The following XIRP2 variants were observed in gnomAD, a reference collection of about 807,000 sequenced individuals.
XIRP2 encodes xin actin binding repeat containing 2.
In XIRP2, 236 loss-of-function variants were observed where a neutral mutation model predicts 277.0. The ratio of observed to expected loss-of-function variants is 0.85; its 90% CI spans 0.77 to 0.95. The LOEUF (loss-of-function observed/expected upper bound fraction) is 0.95. Among genes scored for constraint, XIRP2 ranks in the 40% least tolerant of loss-of-function variants. The pLI, the probability that XIRP2 is intolerant of heterozygous loss-of-function variation, is 0.00. For missense variants in XIRP2, 4,640 were observed against 4,157.5 expected, an observed-to-expected ratio of 1.12 and a Z score of -3.19; for synonymous variants, 1,490 against 1,416.5, an observed-to-expected ratio of 1.05 and a Z score of -1.17.
In XIRP2 at chr2:167,247,383, C is replaced by T. The variant is rs1695309828; in HGVS notation, c.5991C>T (p.Leu1997=). The part of the protein sequence containing the change: ...AAKWQGGADT[L]SQTMGKSCHG... ...AGTGGCAAGGGGGAGCAGATACTCT[C>T]AGTCAAACTATGGGGAAATCTTGCC... The change falls in exon 9 of 11, where the codon CTC becomes CTT. Residue 1997 remains leucine (L), a synonymous_variant. Transcript: ENST00000409195. 1 of 1,613,670 alleles carries T rather than the reference C, an allele frequency of 6.2e-7. No individual in the cohort carries two copies. Among genetic ancestry groups the T allele is most frequent in the Non-Finnish European group, 8.5e-7 (1 of 1,179,810 alleles).
chr2:167,249,203 A>ATTTTATAAG lies in XIRP2; in HGVS notation c.7811_7812insTTTTATAAG (p.Glu2604delinsAspPheIleArg). The ATTTTATAAG allele has an allele frequency of 6.2e-7, 1 of 1,613,778 alleles. No individual in the cohort carries two copies. Among genetic ancestry groups the ATTTTATAAG allele is most frequent in the Non-Finnish European group, 8.5e-7 (1 of 1,179,820 alleles). ...GTTTCCCTATCTGGAATTGATTCAGAATGCACTGTGGTTCAACCCAGCCCA... is the reference window on the plus strand; with the variant it reads ...GTTTCCCTATCTGGAATTGATTCAGATTTTATAAGATGCACTGTGGTTCAACCCAGCCCA... On this transcript the variant is annotated protein_altering_variant, in exon 9 of 11. Coordinates refer to ENST00000409195, the MANE Select transcript of XIRP2 (RefSeq NM_152381.6).
chr2:167,007,474 T>A (rs1687534137), intron 2 of XIRP2, among the ~76,000 whole-genome samples: 1 of 151,664 alleles, frequency 6.6e-6, no homozygotes, highest in African/African-American at 2.4e-5. Flanking sequence ...AATCTATAAT[T>A]TTTCAAATTA....
At chr2:167,130,926 C>G (rs1691355206) in intron 2 of XIRP2, among the ~76,000 whole-genome samples, 1 of 152,054 alleles carries the variant, frequency 6.6e-6, no homozygotes, top group Non-Finnish European at 1.5e-5. Context: ...CTATTGGTAG[C>G]CCTGCAGAGT....
chr2:166,913,496 T>C (rs1684776647), intron 2 of XIRP2, among the ~76,000 whole-genome samples: 1 of 152,132 alleles, frequency 6.6e-6, no homozygotes, highest in Non-Finnish European at 1.5e-5. Context: ...CTGGGAGCTG[T>C]AGACTGGAGC....
chr2:166,975,794 C>T (rs150311967), intron 2 of XIRP2, among the ~76,000 whole-genome samples: 5,063 of 151,602 alleles, frequency 0.033, 102 homozygotes, highest in East Asian at 0.076. Flanking sequence ...GGCGTGGTGG[C>T]GGGCACCTGT....
chr2:167,214,902 A>C (rs914089422), intron 4 of XIRP2, among the ~76,000 whole-genome samples: 1 of 152,142 alleles, frequency 6.6e-6, no homozygotes, highest in Non-Finnish European at 1.5e-5. Flanking sequence ...TATAGATGAG[A>C]GGCAACCTGT....
At position 167,243,226 on chromosome 2, in the gene XIRP2, G is replaced by T. The variant is rs374904018; in HGVS notation, c.1834G>T (p.Gly612Cys). 6.2e-7 allele frequency: 1 copy of T among 1,614,000 alleles called. No individual in the cohort carries two copies. Among genetic ancestry groups the T allele is most frequent in the African/African-American group, 1.3e-5 (1 of 74,918 alleles). ...GIADQEIIAG[G>C]DVKYTTWMFE... ...TGCTGATCAAGAAATCATTGCTGGT[G>T]GTGATGTGAAATATACCACATGGAT... Residue 612 changes from glycine (G) to cysteine (C), a missense_variant, in exon 9 of 11, where the codon GGT (glycine) becomes TGT (cysteine). Transcript: ENST00000409195.
intron 2 of XIRP2, among the ~76,000 whole-genome samples, chr2:166,956,491 G>T (rs73973533): frequency 0.05 from 7,627 of 151,824 alleles, 258 homozygotes; most frequent in African/African-American, 0.085. Flanking sequence ...TGAGTATTTT[G>T]TGGTCATTGT....
At chr2:167,239,748 A>G (rs550334115) in intron 5 of XIRP2, 107 bp from the exon 6 acceptor site, 14 of 935,480 alleles carry the variant, frequency 1.5e-5, no homozygotes, top group South Asian at 1.3e-4. Flanking sequence ...CTAATATACT[A>G]AAGAATCTCA....
chr2:166,892,922 GTA>G (rs201038095), intron 1 of XIRP2, among the ~76,000 whole-genome samples: 2,120 of 146,574 alleles, frequency 0.014, 60 homozygotes, highest in African/African-American at 0.051. Context: ...GTGTATATAT[GTA>G]TATATGTGTA....
chr2:167,129,912 C>G (rs949406389), intron 2 of XIRP2, among the ~76,000 whole-genome samples: 2 of 151,512 alleles, frequency 1.3e-5, no homozygotes, highest in Admixed American at 6.6e-5. Context: ...TTATCTTGCT[C>G]TCTTTCAAGT....
At chr2:167,079,474 G>T (rs1689671397) in intron 2 of XIRP2, among the ~76,000 whole-genome samples, 1 of 152,030 alleles carries the variant, frequency 6.6e-6, no homozygotes, top group South Asian at 2.1e-4. Flanking sequence ...GCCTTTTATT[G>T]GTTGGTGGGT....
rs1238899400 is a variant in XIRP2, at chr2:167,247,087, A to G, written c.5695A>G (p.Ile1899Val). 3.7e-6 allele frequency: 6 copies of G among 1,612,708 alleles called. No individual in the cohort carries two copies. The highest frequency in any genetic ancestry group is 4.2e-6 in the Non-Finnish European group (5 of 1,179,574). Reference protein sequence around the residue: ...DAIPGDIEKAIECLEKATNTK... With the variant: ...DAIPGDIEKAVECLEKATNTK... The stretch of plus-strand genomic sequence containing the variant: ...CATCCCTGGTGATATTGAAAAAGCT[A>G]TTGAATGCCTTGAAAAAGCTACAAA... Residue 1899 changes from isoleucine (I) to valine (V), a missense_variant, in exon 9 of 11, where the codon ATT becomes GTT. Coordinates refer to ENST00000409195, the MANE Select transcript of XIRP2 (RefSeq NM_152381.6).
At chr2:167,147,398 G>C (rs1278319201) in intron 3 of XIRP2, among the ~76,000 whole-genome samples, 1 of 152,032 alleles carries the variant, frequency 6.6e-6, no homozygotes, top group Non-Finnish European at 1.5e-5. Flanking sequence ...TGTGTACCTG[G>C]GGCACTTACC....
At chr2:167,080,412 A>G (rs1234877168) in intron 2 of XIRP2, among the ~76,000 whole-genome samples, 1 of 152,170 alleles carries the variant, frequency 6.6e-6, no homozygotes, top group African/African-American at 2.4e-5. Context: ...ACTGTGATGC[A>G]CCTTCAGGGA....
At chr2:167,049,846 C>T (rs1469915117) in intron 2 of XIRP2, among the ~76,000 whole-genome samples, 1 of 151,926 alleles carries the variant, frequency 6.6e-6, no homozygotes, top group African/African-American at 2.4e-5. Flanking sequence ...ATGAAAACTA[C>T]ATGGTAGAAA....
chr2:166,975,394 G>A (rs192733911), intron 2 of XIRP2, among the ~76,000 whole-genome samples: 1 of 152,012 alleles, frequency 6.6e-6, no homozygotes, highest in African/African-American at 2.4e-5. Flanking sequence ...CCATATAGTG[G>A]GTCATAATAT....
Position 167,218,583 on chromosome 2 carries a change from A to G in XIRP2, c.858+283A>G, listed in dbSNP as rs1385283565. Among the ~76,000 whole-genome samples the G allele has an allele frequency of 2.0e-5, 3 of 152,200 alleles. No homozygotes were observed. In the East Asian group the frequency reaches 5.8e-4, roughly 29 times the overall value. ...ATGAAAATTAAATAGTCTAGGTTAGACAACAGGTAAATTGAACTGTTGAGA... is the reference window on the plus strand; with the variant it reads ...ATGAAAATTAAATAGTCTAGGTTAGGCAACAGGTAAATTGAACTGTTGAGA... On this transcript the variant is annotated intron_variant, in intron 5 of 10. Coordinates refer to ENST00000409195, the MANE Select transcript of XIRP2 (RefSeq NM_152381.6).
intron 3 of XIRP2, among the ~76,000 whole-genome samples, chr2:167,182,230 C>A (rs971818002): frequency 1.1e-4 from 17 of 152,116 alleles, no homozygotes; most frequent in African/African-American, 4.1e-4. Context: ...AAGCAGATTG[C>A]CAAATCCTAA....
Sources: gnomAD v4.1 joint callset for allele counts (sites outside exome capture counted in the v4.1 genomes callset) on GRCh38, gnomAD v4.1.1 for gene constraint, MANE v1.5 for transcripts, NCBI Gene and HGNC (gene_info 2026-07-23, HGNC 2026-07-21) for gene names.